The following FH variants were observed in gnomAD, a reference collection of about 807,000 sequenced individuals.
FH encodes fumarate hydratase, also known as fumarate hydratase, mitochondrial.
Under a neutral mutation model 49.4 loss-of-function variants are expected in FH, and 22 were observed. The observed-to-expected ratio is 0.45, with a 90% CI of 0.32 to 0.64. FH has a LOEUF of 0.64. Ranked by LOEUF, FH falls within the 30% of genes least tolerant of loss-of-function variation. The pLI is 0.05. For synonymous variants in FH, 208 were observed against 223.0 expected (o/e 0.93, Z 0.60); for missense variants, 526 against 641.5 (o/e 0.82, Z 1.95).
chr1:241,504,582 C>T (rs1659865956), intron 6 of FH, among the ~76,000 whole-genome samples: 1 of 152,118 alleles, frequency 6.6e-6, no homozygotes, highest in South Asian at 2.1e-4. Flanking sequence ...GCTAAGACTA[C>T]AGGTGCACAC....
intron 8 of FH, 79 bp downstream of exon 8, chr1:241,502,364 C>T: frequency 6.4e-7 from 1 of 1,551,448 alleles, no homozygotes; most frequent in South Asian, 1.1e-5. Context: ...TGTGGAATCA[C>T]TAGAAGTCTT....
chr1:241,501,214 A>G (rs529601850), intron 8 of FH, among the ~76,000 whole-genome samples: 1 of 152,310 alleles, frequency 6.6e-6, no homozygotes, highest in South Asian at 2.1e-4. Context: ...ATTTATTAAG[A>G]TATATCCAAA....
chr1:241,504,222 T>A lies in FH; in HGVS notation c.928A>T (p.Asn310Tyr). ...TGAGCAGCCAGAGCTTCAAATTTAT[T>A]CGGAGCAGTGACAAAAGGCAAGCCT... ...LTGLPFVTAP[N>Y]KFEALAAHDA... The change falls in exon 7 of 10, where the codon AAT (asparagine) becomes TAT (tyrosine). Residue 310 changes from asparagine to tyrosine, a missense_variant. Asn to Tyr is a moderately radical substitution (Grantham distance 143). Transcript: ENST00000366560. 6.2e-7 allele frequency: 1 copy of A among 1,614,142 alleles called. No homozygotes were observed. Among genetic ancestry groups the A allele is most frequent in the Non-Finnish European group, 8.5e-7 (1 of 1,180,022 alleles).
intron 3 of FH, 140 bp downstream of exon 3, chr1:241,513,462 TA>T: frequency 1.3e-6 from 1 of 755,182 alleles, no homozygotes; most frequent in Non-Finnish European, 2.4e-6. Context: ...ATATCACCAC[TA>T]AAAATAATGC....
chr1:241,513,126 C>T (rs558127959), intron 3 of FH, among the ~76,000 whole-genome samples: 6 of 151,910 alleles, frequency 3.9e-5, no homozygotes, highest in African/African-American at 7.3e-5. Context: ...GTTATAGTTA[C>T]GCATTGTCTA....
chr1:241,508,696 A>G lies in FH; in HGVS notation c.645T>C (p.His215=). The change falls in exon 5 of 10, where the codon CAT becomes CAC. Residue 215 remains histidine, a synonymous_variant. Transcript: ENST00000366560. ...EVLLPGLQKL[H]DALDAKSKEF... ...CTTTGGATTTTGCATCAAGAGCATC[A>G]TGTAACTTCTGTAGTCCTGGTAACA... 6.2e-7 allele frequency: 1 copy of G among 1,613,710 alleles called. No homozygotes were observed. The highest frequency in any genetic ancestry group is 8.5e-7 in the Non-Finnish European group (1 of 1,179,620).
At chr1:241,517,811 T>C (rs982349235) in intron 1 of FH, among the ~76,000 whole-genome samples, 2 of 152,134 alleles carry the variant, frequency 1.3e-5, no homozygotes, top group Non-Finnish European at 2.9e-5. Flanking sequence ...ATAAACACTA[T>C]ATATATGCCA....
Position 241,518,635 on chromosome 1 carries a change from G to GT in FH, c.132+955dup, listed in dbSNP as rs552946925. 1.3e-4 allele frequency among the ~76,000 whole-genome samples: 20 copies of GT among 152,302 alleles called. No homozygotes were observed. The South Asian group carries it at 1.5e-3, about 11-fold the overall frequency. On this transcript the variant is annotated intron_variant, in intron 1 of 9. Transcript: ENST00000366560. Reference sequence around the variant, plus strand: ...ACATGTGCAGTTTTGCTGAGTAGCTGTAAGTATTTCAACTTTGCATACGGA... The same window carrying GT: ...ACATGTGCAGTTTTGCTGAGTAGCTGTTAAGTATTTCAACTTTGCATACGGA...
At position 241,519,707 on chromosome 1, in the gene FH, G is replaced by A. The variant is rs1660324018; in HGVS notation, c.16C>T (p.Arg6Trp). MYRAL[R>W]LLARSRPLVR... is the part of the protein sequence containing the mutation. The stretch of plus-strand genomic sequence containing the variant: ...AGGGGACGCGAGCGCGCGAGGAGCC[G>A]AAGTGCTCGGTACATGGTGCTGAGG... Residue 6 changes from arginine to tryptophan, a missense_variant, in exon 1 of 10, where the codon CGG becomes TGG. Physicochemically the swap from Arg to Trp is moderately radical, Grantham distance 101. This residue lies in a region of FH where 143 missense variants were observed against 127.5 expected (regional missense o/e 1.12). Coordinates refer to ENST00000366560, the MANE Select transcript of FH (RefSeq NM_000143.4). The A allele has an allele frequency of 1.3e-6, 2 of 1,546,894 alleles. No individual in the cohort carries two copies. Among genetic ancestry groups the A allele is most frequent in the South Asian group, 2.4e-5 (2 of 83,682 alleles).
At chr1:241,512,991 G>A (rs536454520) in intron 3 of FH, among the ~76,000 whole-genome samples, 121 of 151,680 alleles carry the variant, frequency 8.0e-4, no homozygotes, top group Non-Finnish European at 1.4e-3. Context: ...AATTAGGATC[G>A]TAAAATACAT....
At chr1:241,515,614 C>T (rs1660193258) in intron 2 of FH, among the ~76,000 whole-genome samples, 2 of 152,102 alleles carry the variant, frequency 1.3e-5, no homozygotes. Context: ...TTAGGAATGA[C>T]TTAAAATTAT....
chr1:241,500,150 A>G (rs1659733528), intron 9 of FH, among the ~76,000 whole-genome samples: 1 of 152,208 alleles, frequency 6.6e-6, no homozygotes, highest in African/African-American at 2.4e-5. Flanking sequence ...TGGTCTGCAT[A>G]GAATATTTGG....
chr1:241,508,711 T>A lies in FH; in HGVS notation c.630A>T (p.Gly210=). The A allele has an allele frequency of 6.2e-7, 1 of 1,613,728 alleles. No homozygotes were observed. Among genetic ancestry groups the A allele is most frequent in the Non-Finnish European group, 8.5e-7 (1 of 1,179,654 alleles). ...AIEVHEVLLP[G]LQKLHDALDA... The stretch of plus-strand genomic sequence containing the variant: ...CAAGAGCATCATGTAACTTCTGTAG[T>A]CCTGGTAACAGTACTTCATGAACTT... Residue 210 remains glycine (G), a synonymous_variant, in exon 5 of 10, where the codon GGA becomes GGT. Coordinates refer to ENST00000366560, the MANE Select transcript of FH (RefSeq NM_000143.4).
In FH at chr1:241,504,199, A is replaced by G. The variant is rs1659855471; in HGVS notation, c.951T>C (p.Ala317=). 1 of 1,614,254 alleles carries G rather than the reference A, an allele frequency of 6.2e-7. No individual in the cohort carries two copies. Among genetic ancestry groups the G allele is most frequent in the Admixed American group, 1.7e-5 (1 of 60,026 alleles). The part of the protein sequence containing the change: ...TAPNKFEALA[A]HDALVELSGA... ...CACTGAGCTCAACCAGAGCGTCATG[A>G]GCAGCCAGAGCTTCAAATTTATTCG... The change falls in exon 7 of 10, where the codon GCT becomes GCC. Residue 317 remains alanine (A), a synonymous_variant. Coordinates refer to ENST00000366560, the MANE Select transcript of FH (RefSeq NM_000143.4).
At position 241,497,842 on chromosome 1, in the gene FH, G is replaced by C; in HGVS notation, c.1519C>G (p.Leu507Val). 1 of 1,608,860 alleles carries C rather than the reference G, an allele frequency of 6.2e-7. No individual in the cohort carries two copies. The highest frequency in any genetic ancestry group is 8.5e-7 in the Non-Finnish European group (1 of 1,177,934). The change falls in exon 10 of 10, where the codon CTG becomes GTG. Residue 507 changes from leucine to valine, a missense_variant. Transcript: ENST00000366560. ...FDEWVKPKDM[L>V]GPK ...ATTTATGTAAATCACTTTGGACCCA[G>C]CATGTCCTTAGGTTTTACCCATTCG...
At chr1:241,501,167 A>G (rs1403405809) in intron 8 of FH, among the ~76,000 whole-genome samples, 1 of 152,182 alleles carries the variant, frequency 6.6e-6, no homozygotes, top group East Asian at 1.9e-4. Flanking sequence ...TATAAAATCA[A>G]TTAGTTTGTT....
In FH at chr1:241,509,816, C is replaced by A. The variant is rs1055609953; in HGVS notation, c.556-1031G>T. Among the ~76,000 whole-genome samples, 108 of 150,330 alleles carry A rather than the reference C, an allele frequency of 7.2e-4. 2 individuals are homozygous for A. The highest frequency in any genetic ancestry group is 2.1e-4 in the Non-Finnish European group (14 of 67,932). On this transcript the variant is annotated intron_variant, in intron 4 of 9. Transcript: ENST00000366560. ...ACACACACACACACACACACACACA[C>A]ACACACACGCATGCACACACACAGA...
chr1:241,498,076 C>G, intron 9 of FH, 106 bp from the exon 10 acceptor site: 1 of 1,052,108 alleles, frequency 9.5e-7, no homozygotes, highest in South Asian at 1.3e-5. Flanking sequence ...ATATGGGCCT[C>G]TTAAATGACA....
intron 4 of FH, among the ~76,000 whole-genome samples, chr1:241,510,320 G>A (rs113769083): frequency 1.8e-4 from 28 of 152,236 alleles, no homozygotes; most frequent in African/African-American, 6.5e-4. Context: ...CAGGAAGTCG[G>A]AACACACTTC....
Sources: allele counts gnomAD v4.1 joint callset (sites outside exome capture counted in the v4.1 genomes callset), GRCh38; gene constraint gnomAD v4.1.1; regional missense constraint gnomAD v4.1.1; transcripts MANE v1.5; gene names NCBI Gene and HGNC (gene_info 2026-07-23, HGNC 2026-07-21).